GOLGA1: variants seen among roughly 807,000 people sequenced by gnomAD.
GOLGA1 encodes golgin A1.
Under a neutral mutation model 119.7 loss-of-function variants are expected in GOLGA1, and 63 were observed. That is an observed-to-expected ratio of 0.53 (90% CI 0.43 to 0.65). The LOEUF (loss-of-function observed/expected upper bound fraction) is 0.65, where lower values mean the gene tolerates loss of function less well. Ranked by LOEUF, GOLGA1 falls within the 30% of genes least tolerant of loss-of-function variation. GOLGA1 has a pLI of 0.00. For missense variants in GOLGA1, 798 were observed against 912.8 expected, an observed-to-expected ratio of 0.87 and a Z score of 1.62; for synonymous variants, 318 against 333.4, an observed-to-expected ratio of 0.95 and a Z score of 0.50.
At chr9:124,900,146 G>T (rs4837003) in intron 13 of GOLGA1, 85,054 of 240,262 alleles carry the variant, frequency 0.35, 15,611 homozygotes, top group Admixed American at 0.4. Context: ...GCCCCTGATT[G>T]CAAGTTGAGG....
chr9:124,926,657 T>C (rs1401259202), intron 7 of GOLGA1, 52 bp downstream of exon 7: 2 of 1,180,472 alleles, frequency 1.7e-6, no homozygotes, highest in Non-Finnish European at 1.3e-6. Flanking sequence ...ACGTTTTCCA[T>C]ACCCCAGAGA....
intron 22 of GOLGA1, among the ~76,000 whole-genome samples, chr9:124,880,953 A>G (rs1458658093): frequency 6.6e-6 from 1 of 152,240 alleles, no homozygotes; most frequent in Non-Finnish European, 1.5e-5. Flanking sequence ...TTTGAAAAAT[A>G]CGTGGCCTGT....
intron 15 of GOLGA1, 70 bp downstream of exon 15, chr9:124,898,479 G>C: frequency 1.2e-6 from 1 of 852,492 alleles, no homozygotes; most frequent in Non-Finnish European, 2.0e-6. Context: ...TATGAGAAGT[G>C]GGGCACTGTA....
chr9:124,909,511 G>A (rs1588078320), intron 11 of GOLGA1, among the ~76,000 whole-genome samples: 1 of 151,290 alleles, frequency 6.6e-6, no homozygotes, highest in South Asian at 2.1e-4. Flanking sequence ...GGGATGCTGA[G>A]GCAGGAAAAT....
Position 124,889,031 on chromosome 9 carries a change from G to A in GOLGA1, c.1761+112C>T. 1 of 795,790 alleles carries A rather than the reference G, an allele frequency of 1.3e-6. No homozygotes were observed. The highest frequency in any genetic ancestry group is 2.0e-6 in the Non-Finnish European group (1 of 506,928). The allele number at this position is 795,790 out of a possible 1,614,324, so 49.3% of individuals were successfully genotyped here. A position where few individuals can be genotyped will look rare whatever the true frequency, so the allele number is the denominator to read the frequency against. On this transcript the variant is annotated intron_variant, in intron 18 of 22. Coordinates refer to ENST00000373555, the MANE Select transcript of GOLGA1 (RefSeq NM_002077.4). ...CTACTTCAAAGAAAGGACCCTACAT[G>A]CAGGGGAGCGTCGTGTCCACCATGT... is the stretch of plus-strand genomic sequence containing the variant.
At chr9:124,900,764 TAA>T (rs1172745972) in intron 12 of GOLGA1, among the ~76,000 whole-genome samples, 3 of 152,368 alleles carry the variant, frequency 2.0e-5, no homozygotes, top group Admixed American at 1.3e-4. Context: ...TAGCTTTATA[TAA>T]AGTTTTAATA....
chr9:124,901,808 T>C (rs1392803126), intron 12 of GOLGA1, among the ~76,000 whole-genome samples: 1 of 152,198 alleles, frequency 6.6e-6, no homozygotes, highest in African/African-American at 2.4e-5. Context: ...TTTTAACTGG[T>C]TTGAATCACT....
chr9:124,882,684 G>A (rs558831223), intron 19 of GOLGA1, 115 bp from the exon 20 acceptor site: 196 of 790,552 alleles, frequency 2.5e-4, no homozygotes, highest in African/African-American at 2.2e-3. Context: ...CCTCTGCCCT[G>A]AGAAGTCATC....
intron 10 of GOLGA1, among the ~76,000 whole-genome samples, chr9:124,919,458 A>G (rs1830518410): frequency 6.6e-6 from 1 of 152,140 alleles, no homozygotes; most frequent in African/African-American, 2.4e-5. Flanking sequence ...TCATTCACGT[A>G]TATATTTACT....
intron 12 of GOLGA1, among the ~76,000 whole-genome samples, chr9:124,904,943 C>CA (rs111292002): frequency 0.87 from 114,692 of 131,160 alleles, 49,484 homozygotes; most frequent in East Asian, 0.98. Context: ...GACTCTGTCT[C>CA]AAAAAAAAAA....
chr9:124,933,736 A>G (rs768371370), intron 3 of GOLGA1, among the ~76,000 whole-genome samples: 24 of 152,150 alleles, frequency 1.6e-4, no homozygotes, highest in African/African-American at 3.9e-4. Context: ...ATTTTGATAC[A>G]TAGTAGGCAG....
chr9:124,933,188 C>G (rs1268805302), intron 3 of GOLGA1, among the ~76,000 whole-genome samples: 1 of 152,120 alleles, frequency 6.6e-6, no homozygotes, highest in Non-Finnish European at 1.5e-5. Flanking sequence ...TAGAGCCAGA[C>G]GCCATGCTAA....
At chr9:124,926,845 C>A in intron 6 of GOLGA1, 104 bp from the exon 7 acceptor site, 2 of 606,614 alleles carry the variant, frequency 3.3e-6, no homozygotes, top group Non-Finnish European at 2.9e-6. Context: ...AAGCAACTAA[C>A]CAAACAAAAC....
intron 9 of GOLGA1, 33 bp from the exon 10 acceptor site, chr9:124,921,273 T>G (rs1477266733): frequency 8.0e-7 from 1 of 1,250,844 alleles, no homozygotes; most frequent in African/African-American, 1.5e-5. Context: ...ATGAACAAAT[T>G]TGGATATCTC....
upstream of GOLGA1, chr9:124,942,650 A>C (rs2131555558): frequency 6.6e-6 from 1 of 151,832 alleles, no homozygotes; most frequent in East Asian, 1.9e-4. Flanking sequence ...GATACACTTA[A>C]TATATATGTG....
chr9:124,936,201 C>T (rs919771661), intron 3 of GOLGA1, among the ~76,000 whole-genome samples: 2 of 152,072 alleles, frequency 1.3e-5, no homozygotes, highest in African/African-American at 2.4e-5. Flanking sequence ...TCCTTCAGCC[C>T]GATGCTCAAA....
chr9:124,910,447 ATAT>A (rs1830319068), intron 11 of GOLGA1, among the ~76,000 whole-genome samples: 1 of 152,212 alleles, frequency 6.6e-6, no homozygotes, highest in African/African-American at 2.4e-5. Context: ...CACAATAATA[ATAT>A]TGATCATGTT....
rs781112925 is a variant in GOLGA1, at chr9:124,881,984, C to T, written c.1966-30G>A. ...AAAACCAGTGGGAAAGATGCTACAC[C>T]GAACCCTCTGAGACAGGTGGAAAAA... On this transcript the variant is annotated intron_variant, in intron 20 of 22. Transcript: ENST00000373555. This position sits in a 1 kb window ranked among gnomAD's most constrained non-coding sequence, Gnocchi z 4.9. The T allele has an allele frequency of 6.5e-6, 10 of 1,547,616 alleles. No individual in the cohort carries two copies. Among genetic ancestry groups the T allele is most frequent in the Middle Eastern group, 1.8e-4 (1 of 5,634 alleles).
chr9:124,902,573 G>A (rs1020180099), intron 12 of GOLGA1, among the ~76,000 whole-genome samples: 1 of 150,630 alleles, frequency 6.6e-6, no homozygotes, highest in East Asian at 2.0e-4. Flanking sequence ...TGAAAGCTCC[G>A]CCGCCTCCTG....
Sources: allele counts gnomAD v4.1 joint callset (sites outside exome capture counted in the v4.1 genomes callset), GRCh38; gene constraint gnomAD v4.1.1; non-coding constraint Gnocchi (gnomAD v3.1); transcripts MANE v1.5; gene names NCBI Gene and HGNC (gene_info 2026-07-23, HGNC 2026-07-21).